IL3RA: variants seen among roughly 807,000 people sequenced by gnomAD.
IL3RA encodes interleukin 3 receptor subunit alpha, also known as interleukin-3 receptor subunit alpha.
A neutral mutation model predicts 52.3 loss-of-function variants in IL3RA; 73 were observed. That is an observed-to-expected ratio of 1.40 (90% CI 1.16 to 1.70). The LOEUF (loss-of-function observed/expected upper bound fraction) is 1.70, where lower values mean the gene tolerates loss of function less well. Among genes scored for constraint, IL3RA ranks in the 40% most tolerant of loss-of-function variants. The pLI is 0.00. For synonymous variants in IL3RA, 260 were observed against 194.0 expected (o/e 1.34, Z -2.83); for missense variants, 664 against 504.4 (o/e 1.32, Z -3.03).
intron 3 of IL3RA, among the ~76,000 whole-genome samples, chrX:1,347,517 G>C (rs1311603060): frequency 6.6e-6 from 1 of 151,748 alleles, no homozygotes; most frequent in Admixed American, 6.6e-5. Flanking sequence ...CGGGTGCGGT[G>C]GTGAGGCAGG....
At chrX:1,361,753 G>A (rs1461696170) in intron 8 of IL3RA, among the ~76,000 whole-genome samples, 8 of 58,864 alleles carry the variant, frequency 1.4e-4, no homozygotes, top group African/African-American at 2.0e-4. Flanking sequence ...ACTCCGTCTC[G>A]AGAAAAAAAA....
chrX:1,378,828 A>G, intron 10 of IL3RA, 64 bp downstream of exon 10: 1 of 1,373,690 alleles, frequency 7.3e-7, no homozygotes. Flanking sequence ...AGTTATTCAC[A>G]GAACCATCCT....
rs2086695668 is a variant in IL3RA, at chrX:1,356,238, A to C, written c.634A>C (p.Asn212His). The stretch of plus-strand genomic sequence containing the variant: ...GTTGCTAGAGATATTAACTCCACCC[A>C]ACATGACTGCAAAGTGTAATAAGAC... Reference protein sequence around the residue: ...FSQIEILTPPNMTAKCNKTHS... With the variant: ...FSQIEILTPPHMTAKCNKTHS... Residue 212 changes from asparagine (N) to histidine (H), a missense_variant, in exon 7 of 12, where the codon AAC becomes CAC. Asn to His is a moderately conservative substitution (Grantham distance 68). Coordinates refer to ENST00000331035, the MANE Select transcript of IL3RA (RefSeq NM_002183.4). The C allele has an allele frequency of 6.2e-7, 1 of 1,611,312 alleles. No homozygotes were observed. The highest frequency in any genetic ancestry group is 8.5e-7 in the Non-Finnish European group (1 of 1,177,688).
chrX:1,348,626 CTTT>C (rs1163307070), intron 4 of IL3RA, 81 bp downstream of exon 4: 5 of 852,980 alleles, frequency 5.9e-6, no homozygotes, highest in Admixed American at 2.2e-5. Flanking sequence ...TTCGCTGTGT[CTTT>C]TTTCTTTTCT....
In IL3RA at chrX:1,341,744, G is replaced by A. The variant is rs370463930; in HGVS notation, c.-22G>A. 34 of 1,613,614 alleles carry A rather than the reference G, an allele frequency of 2.1e-5. No individual in the cohort carries two copies. In the African/African-American group the frequency reaches 3.6e-4, roughly 17 times the overall value. ...CTCCTGCAGCAGGCACCTCTGTCCT[G>A]CGTTCCGGAGCTGCGTTCCCGATGG... is the stretch of plus-strand genomic sequence containing the variant. On this transcript the variant is annotated 5_prime_UTR_variant, in exon 2 of 12. Coordinates refer to ENST00000331035, the MANE Select transcript of IL3RA (RefSeq NM_002183.4).
At chrX:1,352,292 G>T (rs773772462) in intron 5 of IL3RA, 30 bp from the exon 6 acceptor site, 1 of 1,613,252 alleles carries the variant, frequency 6.2e-7, no homozygotes, top group South Asian at 1.1e-5. Context: ...TCGGCGTGGG[G>T]TCGTCCCCCA....
chrX:1,362,436 C>T (rs375516100), intron 8 of IL3RA, among the ~76,000 whole-genome samples: 2 of 151,514 alleles, frequency 1.3e-5, no homozygotes, highest in African/African-American at 4.9e-5. Flanking sequence ...TTCTCTGTGT[C>T]TCTTTGTATC....
chrX:1,347,945 G>T lies in IL3RA; in HGVS notation c.184-486G>T, dbSNP rs187424037. Reference sequence around the variant, plus strand: ...CCAGCTACTTGGGAGGATGAGGCAGGAGAATGGCATGAACCCGGGAGGGAG... The same window carrying T: ...CCAGCTACTTGGGAGGATGAGGCAGTAGAATGGCATGAACCCGGGAGGGAG... On this transcript the variant is annotated intron_variant, in intron 3 of 11. Coordinates refer to ENST00000331035, the MANE Select transcript of IL3RA (RefSeq NM_002183.4). 1.6e-3 allele frequency among the ~76,000 whole-genome samples: 236 copies of T among 150,902 alleles called. 1 individual carries two copies. Among genetic ancestry groups the T allele is most frequent in the East Asian group, 0.016 (80 of 5,122 alleles).
intron 8 of IL3RA, among the ~76,000 whole-genome samples, chrX:1,359,815 TC>T (rs1441741260): frequency 6.8e-6 from 1 of 147,958 alleles, no homozygotes; most frequent in African/African-American, 2.5e-5. Flanking sequence ...TCTTTCTCTC[TC>T]TCTCTCTCTC....
At chrX:1,368,745 G>A (rs28780423) in intron 9 of IL3RA, among the ~76,000 whole-genome samples, 57,253 of 138,640 alleles carry the variant, frequency 0.41, 7,867 homozygotes, top group African/African-American at 0.6. Flanking sequence ...CCCAGGAGAG[G>A]GGCCTCAGGA....
At position 1,378,682 on chromosome X, in the gene IL3RA, A is replaced by C; in HGVS notation, c.898A>C (p.Asn300His). The C allele has an allele frequency of 6.2e-7, 1 of 1,612,674 alleles. No homozygotes were observed. The highest frequency in any genetic ancestry group is 8.5e-7 in the Non-Finnish European group (1 of 1,179,816). The change falls in exon 10 of 12, where the codon AAC becomes CAC. Residue 300 changes from asparagine to histidine, a missense_variant. Asn to His is a moderately conservative substitution (Grantham distance 68). Coordinates refer to ENST00000331035, the MANE Select transcript of IL3RA (RefSeq NM_002183.4). ...AGAGTGCGACCAGGAGGAGGGCGCA[A>C]ACACACGTGCCTGGCGGACGTCGCT... ...RFECDQEEGA[N>H]TRAWRTSLLI...
In IL3RA at chrX:1,348,100, A is replaced by G. The variant is rs749442585; in HGVS notation, c.184-331A>G. 2.0e-5 allele frequency among the ~76,000 whole-genome samples: 3 copies of G among 149,756 alleles called. No individual in the cohort carries two copies. In the South Asian group the frequency reaches 6.3e-4, roughly 32 times the overall value. ...GGTGGCTCACGCCTGTAATCCCAGC[A>G]CTTTGGGAGGCTGAGGCAGGCGGAT... On this transcript the variant is annotated intron_variant, in intron 3 of 11. Transcript: ENST00000331035.
chrX:1,359,988 C>T (rs2087074318), intron 8 of IL3RA, among the ~76,000 whole-genome samples: 2 of 147,922 alleles, frequency 1.4e-5, no homozygotes, highest in Admixed American at 1.4e-4. Context: ...TTTCTCCCTC[C>T]ATCTTTCTCT....
chrX:1,362,788 T>TATTG (rs2079722290), intron 8 of IL3RA, among the ~76,000 whole-genome samples: 1 of 151,906 alleles, frequency 6.6e-6, no homozygotes, highest in African/African-American at 2.4e-5. Context: ...TTTATTTATT[T>TATTG]ATTTTGAGAC....
chrX:1,354,231 A>C (rs1250815746), intron 6 of IL3RA, among the ~76,000 whole-genome samples: 1 of 152,044 alleles, frequency 6.6e-6, no homozygotes, highest in Non-Finnish European at 1.5e-5. Flanking sequence ...GTCACCTCCC[A>C]AAGACCCCAC....
chrX:1,363,163 G>A lies in IL3RA; in HGVS notation c.760-1975G>A, dbSNP rs185105688. Among the ~76,000 whole-genome samples the A allele has an allele frequency of 1.4e-3, 219 of 152,160 alleles. 1 individual carries two copies. The highest frequency in any genetic ancestry group is 6.8e-3 in the Middle Eastern group (2 of 292). ...ACATCATCTCAATCTATATCTTAAC[G>A]ACATCTGCCATGAACAGGTATTTCA... On this transcript the variant is annotated intron_variant, in intron 8 of 11. Coordinates refer to ENST00000331035, the MANE Select transcript of IL3RA (RefSeq NM_002183.4).
intron 6 of IL3RA, 115 bp from the exon 7 acceptor site, chrX:1,356,106 C>G: frequency 4.2e-6 from 3 of 706,122 alleles, no homozygotes; most frequent in Non-Finnish European, 4.9e-6. Flanking sequence ...TTCTCTCCCG[C>G]TCTCCAAATG....
At chrX:1,351,816 G>T (rs2086097685) in intron 4 of IL3RA, among the ~76,000 whole-genome samples, 1 of 150,456 alleles carries the variant, frequency 6.6e-6, no homozygotes, top group Non-Finnish European at 1.5e-5. Context: ...TTTTAGTAGA[G>T]ACTGGGTTTC....
chrX:1,354,030 T>C (rs1388585490), intron 6 of IL3RA, among the ~76,000 whole-genome samples: 1 of 130,754 alleles, frequency 7.6e-6, no homozygotes, highest in Non-Finnish European at 1.6e-5. Context: ...TCCCTCATCA[T>C]GGGTCTCATC....
Sources: gnomAD v4.1 joint callset for allele counts (sites outside exome capture counted in the v4.1 genomes callset) on GRCh38, gnomAD v4.1.1 for gene constraint, MANE v1.5 for transcripts, NCBI Gene and HGNC (gene_info 2026-07-23, HGNC 2026-07-21) for gene names.